The following KIF26B variants were observed in gnomAD, a reference collection of about 807,000 sequenced individuals.
The protein encoded by KIF26B is kinesin family member 26B.
In KIF26B, 63 loss-of-function variants were observed where a neutral mutation model predicts 151.2. That is an observed-to-expected ratio of 0.42 (90% CI 0.34 to 0.51). KIF26B has a LOEUF of 0.51. Among genes scored for constraint, KIF26B ranks in the 20% least tolerant of loss-of-function variants. The pLI is 0.07. For synonymous variants in KIF26B, 1,357 were observed against 1,262.1 expected, an observed-to-expected ratio of 1.08 and a Z score of -1.59; for missense variants, 2,813 against 2,913.6, an observed-to-expected ratio of 0.97 and a Z score of 0.79.
chr1:245,292,004 T>A (rs1671260810), intron 2 of KIF26B, among the ~76,000 whole-genome samples: 1 of 152,116 alleles, frequency 6.6e-6, no homozygotes, highest in Admixed American at 6.5e-5. Flanking sequence ...GGAAAGCTGT[T>A]GAAGGGTTAC....
intron 9 of KIF26B, among the ~76,000 whole-genome samples, chr1:245,645,800 G>A (rs771503636): frequency 2.2e-4 from 33 of 152,140 alleles, no homozygotes; most frequent in African/African-American, 5.6e-4. Context: ...AGGTAGAAAC[G>A]TATCCTCCTG....
At chr1:245,454,222 A>G (rs1052992368) in intron 4 of KIF26B, among the ~76,000 whole-genome samples, 1 of 152,182 alleles carries the variant, frequency 6.6e-6, no homozygotes, top group Non-Finnish European at 1.5e-5. Context: ...CCCTTTTGTC[A>G]TTCTTGCCAT....
At chr1:245,638,004 A>C (rs143049226) in intron 9 of KIF26B, among the ~76,000 whole-genome samples, 6 of 152,060 alleles carry the variant, frequency 3.9e-5, no homozygotes, top group South Asian at 2.1e-4. Context: ...TGATTCTATA[A>C]GAATTTTAAG....
chr1:245,231,908 A>G (rs1045268339), intron 2 of KIF26B, among the ~76,000 whole-genome samples: 5 of 152,254 alleles, frequency 3.3e-5, no homozygotes, highest in Middle Eastern at 3.4e-3. Flanking sequence ...AAAGTTATCG[A>G]AAAAAAAGTT....
chr1:245,226,077 A>T (rs2103551779), intron 2 of KIF26B: 1 of 152,368 alleles, frequency 6.6e-6, no homozygotes, highest in African/African-American at 2.4e-5. Flanking sequence ...CTTCACAACG[A>T]TCCATGCAGT....
chr1:245,654,336 T>C (rs1174594416), intron 10 of KIF26B, among the ~76,000 whole-genome samples: 1 of 151,682 alleles, frequency 6.6e-6, no homozygotes, highest in Non-Finnish European at 1.5e-5. Context: ...AAAAATAAAA[T>C]TAAAAAGAAT....
intron 9 of KIF26B, among the ~76,000 whole-genome samples, chr1:245,628,059 G>A (rs2043742927): frequency 6.6e-6 from 1 of 152,176 alleles, no homozygotes; most frequent in Non-Finnish European, 1.5e-5. Context: ...GGTACGACGA[G>A]GAGCTAGTAC....
At chr1:245,238,631 C>G (rs1573726686) in intron 2 of KIF26B, among the ~76,000 whole-genome samples, 1 of 152,062 alleles carries the variant, frequency 6.6e-6, no homozygotes, top group African/African-American at 2.4e-5. Context: ...GAGGCAGAGA[C>G]GGGTGGATCA....
intron 2 of KIF26B, among the ~76,000 whole-genome samples, chr1:245,198,121 G>A (rs1669225587): frequency 6.6e-6 from 1 of 152,190 alleles, no homozygotes; most frequent in African/African-American, 2.4e-5. Context: ...TTACTATGCT[G>A]CCTCACTGAG....
chr1:245,234,693 G>A (rs909271508), intron 2 of KIF26B, among the ~76,000 whole-genome samples: 7 of 152,200 alleles, frequency 4.6e-5, no homozygotes, highest in African/African-American at 1.7e-4. Flanking sequence ...TTGCAAAGAA[G>A]AAAAGCGAGG....
intron 12 of KIF26B, among the ~76,000 whole-genome samples, chr1:245,694,461 T>A (rs79785830): frequency 6.6e-6 from 1 of 152,166 alleles, no homozygotes; most frequent in African/African-American, 2.4e-5. Context: ...CAGAAGCATA[T>A]TCCCCAGGGG....
chr1:245,431,606 A>C (rs887591674), intron 4 of KIF26B, among the ~76,000 whole-genome samples: 1 of 151,954 alleles, frequency 6.6e-6, no homozygotes, highest in African/African-American at 2.4e-5. Context: ...AGCCTCCCAA[A>C]GTGCTGGGAT....
chr1:245,489,188 T>C (rs1288793834), intron 4 of KIF26B, among the ~76,000 whole-genome samples: 2 of 152,238 alleles, frequency 1.3e-5, no homozygotes, highest in Non-Finnish European at 2.9e-5. Context: ...GCAGTCCTTC[T>C]GGATTTCTGG....
intron 4 of KIF26B, among the ~76,000 whole-genome samples, chr1:245,434,999 CCA>C (rs2103043648): frequency 6.7e-6 from 1 of 149,872 alleles, no homozygotes; most frequent in Non-Finnish European, 1.5e-5. Context: ...ATCCATCCAT[CCA>C]TCCATCCATC....
chr1:245,441,068 G>A (rs507037), intron 4 of KIF26B, among the ~76,000 whole-genome samples: 117,672 of 152,128 alleles, frequency 0.77, 45,712 homozygotes, highest in East Asian at 0.95. Context: ...ACGGCCTGGC[G>A]TTCTCTCCTT....
chr1:245,547,723 C>T (rs1661779972), intron 5 of KIF26B, among the ~76,000 whole-genome samples: 1 of 151,864 alleles, frequency 6.6e-6, no homozygotes, highest in Non-Finnish European at 1.5e-5. Context: ...AAGGGGTAAG[C>T]AGCACATTTT....
chr1:245,170,127 T>C lies in KIF26B; in HGVS notation c.465+13444T>C, dbSNP rs756819098. 6.6e-6 allele frequency among the ~76,000 whole-genome samples: 1 copy of C among 152,012 alleles called. No individual in the cohort carries two copies. The highest frequency in any genetic ancestry group is 2.4e-5 in the African/African-American group (1 of 41,374). ...AGGATGATAGAGGATGGGACGGTGG[T>C]GACAAATGGCGGGATGGGAGATGAT... On this transcript the variant is annotated intron_variant, in intron 2 of 14. Coordinates refer to ENST00000407071, the MANE Select transcript of KIF26B (RefSeq NM_018012.4). This position sits in a 1 kb window ranked among gnomAD's most constrained non-coding sequence, Gnocchi z 4.4.
rs146425861 is a variant in KIF26B, at chr1:245,488,192, G to A, written c.1167-52575G>A. On this transcript the variant is annotated intron_variant, in intron 4 of 14. Coordinates refer to ENST00000407071, the MANE Select transcript of KIF26B (RefSeq NM_018012.4). The surrounding 1 kb of genome is among the most constrained non-coding windows in gnomAD (Gnocchi z 4.6). Reference sequence around the variant, plus strand: ...CCATCTTGGCCTCCCAAAGCACTGAGATTACCAGCGTGAGCCACCACACTG... The same window carrying A: ...CCATCTTGGCCTCCCAAAGCACTGAAATTACCAGCGTGAGCCACCACACTG... Among the ~76,000 whole-genome samples the A allele has an allele frequency of 2.3e-4, 35 of 152,224 alleles. No individual in the cohort carries two copies. In the East Asian group the frequency reaches 6.2e-3, roughly 27 times the overall value.
At chr1:245,656,559 G>A (rs566740399) in intron 10 of KIF26B, among the ~76,000 whole-genome samples, 1 of 152,338 alleles carries the variant, frequency 6.6e-6, no homozygotes, top group Admixed American at 6.5e-5. Flanking sequence ...GCTTTAGGTT[G>A]GTCTGGGGAC....
Sources: allele counts gnomAD v4.1 joint callset (sites outside exome capture counted in the v4.1 genomes callset), GRCh38; gene constraint gnomAD v4.1.1; non-coding constraint Gnocchi (gnomAD v3.1); transcripts MANE v1.5; gene names NCBI Gene and HGNC (gene_info 2026-07-23, HGNC 2026-07-21).